SMOC1: variants seen among roughly 807,000 people sequenced by gnomAD.
SMOC1 encodes SPARC related modular calcium binding 1.
SMOC1 carries 22 observed loss-of-function variants against 56.3 expected under a neutral mutation model. The ratio of observed to expected loss-of-function variants is 0.39; its 90% CI spans 0.28 to 0.56. The LOEUF (loss-of-function observed/expected upper bound fraction) is 0.56. Among genes scored for constraint, SMOC1 ranks in the 20% least tolerant of loss-of-function variants. SMOC1 has a pLI of 0.61. For missense variants in SMOC1, 509 were observed against 565.4 expected, an observed-to-expected ratio of 0.90 and a Z score of 1.01; for synonymous variants, 193 against 215.0, an observed-to-expected ratio of 0.90 and a Z score of 0.89.
At chr14:70,020,270 T>A (rs368824460) in intron 10 of SMOC1, among the ~76,000 whole-genome samples, 1 of 152,190 alleles carries the variant, frequency 6.6e-6, no homozygotes, top group Non-Finnish European at 1.5e-5. Context: ...CACATCTTTG[T>A]GTAGGCTCTC....
intron 1 of SMOC1, among the ~76,000 whole-genome samples, chr14:69,925,461 C>G (rs1030785662): frequency 5.9e-5 from 9 of 152,068 alleles, no homozygotes; most frequent in Non-Finnish European, 1.2e-4. Context: ...CCTAGAGTCT[C>G]TTTGCAATCA....
intron 10 of SMOC1, 144 bp downstream of exon 10, chr14:70,013,635 T>A: frequency 1.3e-6 from 1 of 742,244 alleles, no homozygotes; most frequent in Non-Finnish European, 2.3e-6. Flanking sequence ...CATGTACCCA[T>A]AGCTTTGACC....
At chr14:69,970,785 T>C (rs1345102924) in intron 3 of SMOC1, among the ~76,000 whole-genome samples, 2 of 152,214 alleles carry the variant, frequency 1.3e-5, no homozygotes, top group Admixed American at 1.3e-4. Flanking sequence ...CCTGCCTTGT[T>C]GGGAGTGGTA....
At chr14:69,965,580 A>G (rs1392939903) in intron 3 of SMOC1, among the ~76,000 whole-genome samples, 1 of 152,130 alleles carries the variant, frequency 6.6e-6, no homozygotes, top group Non-Finnish European at 1.5e-5. Context: ...AGTAGCTCAC[A>G]GACAGAATGT....
At position 69,879,590 on chromosome 14, in the gene SMOC1, C is replaced by G; in HGVS notation, c.-89C>G. On this transcript the variant is annotated 5_prime_UTR_variant, in exon 1 of 12. Coordinates refer to ENST00000361956, the MANE Select transcript of SMOC1 (RefSeq NM_001034852.3). ...CCCGCTCCCCGCCGCCGCGAGGGCC[C>G]CGAGCGAAGGAAGGAAGGGAGGCGC... 9.2e-7 allele frequency: 1 copy of G among 1,085,980 alleles called. No individual in the cohort carries two copies. The highest frequency in any genetic ancestry group is 1.2e-6 in the Non-Finnish European group (1 of 826,524). 67.3% of individuals were successfully genotyped at this position (1,085,980 alleles called of 1,614,324 possible).
At chr14:69,885,666 G>T in intron 1 of SMOC1, 1 of 1,450,264 alleles carries the variant, frequency 6.9e-7, no homozygotes, top group Non-Finnish European at 9.6e-7. Context: ...TCCATGTCGT[G>T]TGAAATCACC....
chr14:69,885,673 C>A, intron 1 of SMOC1: 1 of 1,451,520 alleles, frequency 6.9e-7, no homozygotes, highest in South Asian at 1.2e-5. Context: ...CGTGTGAAAT[C>A]ACCACCAGCT....
intron 1 of SMOC1, among the ~76,000 whole-genome samples, chr14:69,911,644 A>G (rs1168890558): frequency 6.6e-6 from 1 of 152,162 alleles, no homozygotes; most frequent in Non-Finnish European, 1.5e-5. Context: ...CATGTACTAT[A>G]ATGCATTTGC....
At chr14:69,942,606 T>C (rs1213633560) in intron 1 of SMOC1, among the ~76,000 whole-genome samples, 1 of 152,250 alleles carries the variant, frequency 6.6e-6, no homozygotes, top group African/African-American at 2.4e-5. Context: ...ATTAATCCAA[T>C]TTCTGTCACT....
In SMOC1 at chr14:70,012,939, A is replaced by G. The variant is rs576605886; in HGVS notation, c.941-447A>G. Among the ~76,000 whole-genome samples the G allele has an allele frequency of 2.1e-4, 32 of 152,292 alleles. 1 individual carries two copies. The highest frequency in any genetic ancestry group is 7.2e-4 in the African/African-American group (30 of 41,556). Reference sequence around the variant, plus strand: ...TCTGGTGGTAGGTGTACTTAAGTCAACTTTGACCACTGGGGGTTCTCTCCC... The same window carrying G: ...TCTGGTGGTAGGTGTACTTAAGTCAGCTTTGACCACTGGGGGTTCTCTCCC... On this transcript the variant is annotated intron_variant, in intron 9 of 11. Coordinates refer to ENST00000361956, the MANE Select transcript of SMOC1 (RefSeq NM_001034852.3).
At chr14:69,966,793 T>C (rs1433248764) in intron 3 of SMOC1, among the ~76,000 whole-genome samples, 2 of 152,230 alleles carry the variant, frequency 1.3e-5, no homozygotes, top group Non-Finnish European at 2.9e-5. Context: ...CAGTTCTAGC[T>C]ATGGGAATTA....
intron 11 of SMOC1, among the ~76,000 whole-genome samples, chr14:70,023,807 G>A (rs1171710965): frequency 6.7e-6 from 1 of 149,196 alleles, no homozygotes; most frequent in South Asian, 2.1e-4. Context: ...GTTGTAGGGT[G>A]TGTGTGTGTG....
rs2139588109 is a variant in SMOC1, at chr14:70,011,369, G to GC, written c.858-113dup. 5 of 980,830 alleles carry GC rather than the reference G, an allele frequency of 5.1e-6. No homozygotes were observed. The South Asian group carries it at 6.6e-5, about 13-fold the overall frequency. The allele number at this position is 980,830 out of a possible 1,614,324, so 60.8% of individuals were successfully genotyped here. A position where few individuals can be genotyped will look rare whatever the true frequency, so the allele number is the denominator to read the frequency against. On this transcript the variant is annotated intron_variant, in intron 8 of 11. Transcript: ENST00000361956. ...CGGGCAGCGCAAGAGATATCGTTCT[G>GC]CCCACCCTCAGTGCTTTAGGCTTGG...
At chr14:69,912,848 CA>C (rs1884589059) in intron 1 of SMOC1, among the ~76,000 whole-genome samples, 1 of 152,182 alleles carries the variant, frequency 6.6e-6, no homozygotes, top group Non-Finnish European at 1.5e-5. Flanking sequence ...CTTTAACCTT[CA>C]GTTTGTGTGG....
chr14:69,965,407 A>AATAATAATAATAATAAT (rs1883536366), intron 3 of SMOC1, among the ~76,000 whole-genome samples: 1 of 98,170 alleles, frequency 1.0e-5, no homozygotes, highest in Non-Finnish European at 2.4e-5. Context: ...ATAATAATAA[A>AATAATAATAATAATAAT]AAGATGACCA....
intron 2 of SMOC1, among the ~76,000 whole-genome samples, chr14:69,952,827 C>T (rs890989044): frequency 1.3e-5 from 2 of 152,186 alleles, no homozygotes; most frequent in Admixed American, 6.5e-5. Context: ...TAACAGCTAC[C>T]GCTTTAAAGG....
intron 5 of SMOC1, among the ~76,000 whole-genome samples, chr14:69,983,455 G>T (rs985379554): frequency 5.9e-5 from 9 of 152,310 alleles, no homozygotes; most frequent in African/African-American, 2.2e-4. Context: ...AGCCTTTTAT[G>T]ATGGAGGTTA....
intron 7 of SMOC1, among the ~76,000 whole-genome samples, chr14:70,007,691 A>T (rs1259532339): frequency 6.6e-6 from 1 of 152,206 alleles, no homozygotes; most frequent in Non-Finnish European, 1.5e-5. Flanking sequence ...TGGCTGAGTG[A>T]ACTTGGGAAA....
chr14:69,892,424 AT>A (rs1566662926), intron 1 of SMOC1, among the ~76,000 whole-genome samples: 1 of 152,258 alleles, frequency 6.6e-6, no homozygotes, highest in Non-Finnish European at 1.5e-5. Flanking sequence ...GGGGAAATTT[AT>A]TTAAAACGTG....
Sources: allele counts gnomAD v4.1 joint callset (sites outside exome capture counted in the v4.1 genomes callset), GRCh38; gene constraint gnomAD v4.1.1; transcripts MANE v1.5; gene names NCBI Gene and HGNC (gene_info 2026-07-23, HGNC 2026-07-21).